The following FAM149A variants were observed in gnomAD, a reference collection of about 807,000 sequenced individuals.
FAM149A encodes the protein family with sequence similarity 149 member A.
Under a neutral mutation model 78.2 loss-of-function variants are expected in FAM149A, and 71 were observed. That is an observed-to-expected ratio of 0.91 (90% CI 0.75 to 1.11). FAM149A has a LOEUF of 1.11. Among genes scored for constraint, FAM149A ranks in the 50% least tolerant of loss-of-function variants. FAM149A has a pLI of 0.00. For synonymous variants in FAM149A, 446 were observed against 410.5 expected (o/e 1.09, Z -1.04); for missense variants, 1,036 against 971.0 (o/e 1.07, Z -0.89).
chr4:186,157,759 T>G (rs1318408692), intron 8 of FAM149A, 40 bp downstream of exon 8: 1 of 1,581,666 alleles, frequency 6.3e-7, no homozygotes, highest in South Asian at 1.2e-5. Flanking sequence ...GCCTTCACTC[T>G]GTGTGTCTGT....
At chr4:186,142,399 G>C (rs996000922) in intron 1 of FAM149A, among the ~76,000 whole-genome samples, 1 of 152,218 alleles carries the variant, frequency 6.6e-6, no homozygotes, top group African/African-American at 2.4e-5. Flanking sequence ...TGAGCATCTT[G>C]AAAGAGCTGA....
At chr4:186,159,919 AC>A (rs1174785977) in intron 8 of FAM149A, among the ~76,000 whole-genome samples, 17 of 109,160 alleles carry the variant, frequency 1.6e-4, no homozygotes, top group African/African-American at 5.7e-4. Flanking sequence ...CAAACAACAC[AC>A]ACACACACAC....
rs1454893517 is a variant in FAM149A, at chr4:186,105,253, T to G, written c.177T>G (p.Ala59=). The G allele has an allele frequency of 8.2e-6, 10 of 1,222,494 alleles. No homozygotes were observed. Among genetic ancestry groups the G allele is most frequent in the Non-Finnish European group, 1.0e-5 (10 of 960,904 alleles). 75.7% of individuals were successfully genotyped at this position (1,222,494 alleles called of 1,614,324 possible). Residue 59 remains alanine, a synonymous_variant, in exon 1 of 14, where the codon GCT becomes GCG. Coordinates refer to ENST00000389354, the MANE Select transcript of FAM149A (RefSeq NM_001367768.3). Reference sequence around the variant, plus strand: ...CCCCGACCCTCCTCCGCGCCCTGGCTCCGGACTCCCCCTCCGCCTCGCGGC... The same window carrying G: ...CCCCGACCCTCCTCCGCGCCCTGGCGCCGGACTCCCCCTCCGCCTCGCGGC...
intron 7 of FAM149A, 57 bp downstream of exon 7, chr4:186,156,247 T>C: frequency 1.4e-6 from 2 of 1,455,884 alleles, no homozygotes; most frequent in East Asian, 2.3e-5. Context: ...TCTTCGGCCC[T>C]GGGCTCCTGC....
chr4:186,112,420 C>A (rs1255808999), intron 1 of FAM149A, among the ~76,000 whole-genome samples: 2 of 87,374 alleles, frequency 2.3e-5, no homozygotes, highest in Non-Finnish European at 4.4e-5. Context: ...CTGGCCAGAA[C>A]TTCCAACACT....
At chr4:186,169,006 C>T (rs984919012) in intron 13 of FAM149A, among the ~76,000 whole-genome samples, 5 of 152,114 alleles carry the variant, frequency 3.3e-5, no homozygotes, top group Middle Eastern at 3.4e-3. Context: ...TGGTGCTGAG[C>T]GAGGGAACTG....
chr4:186,121,477 A>G (rs1387451682), intron 1 of FAM149A, among the ~76,000 whole-genome samples: 2 of 152,208 alleles, frequency 1.3e-5, no homozygotes, highest in Non-Finnish European at 2.9e-5. Context: ...ATATATTTTT[A>G]AAATGTATTT....
intron 1 of FAM149A, chr4:186,130,293 C>CTCTCTCTCTATATATATA: frequency 3.0e-4 from 14 of 46,584 alleles, no homozygotes; most frequent in Non-Finnish European, 4.6e-4. Context: ...CTCTCTCTCT[C>CTCTCTCTCTATATATATA]TATATATATA....
intron 1 of FAM149A, chr4:186,146,779 C>G: frequency 1.0e-6 from 1 of 984,418 alleles, no homozygotes; most frequent in Non-Finnish European, 1.2e-6. Flanking sequence ...TGTCTTGAAT[C>G]TGGGGAATAT....
In FAM149A at chr4:186,153,663, G is replaced by A; in HGVS notation, c.951G>A (p.Leu317=). 1 of 1,614,132 alleles carries A rather than the reference G, an allele frequency of 6.2e-7. No individual in the cohort carries two copies. Among genetic ancestry groups the A allele is most frequent in the Non-Finnish European group, 8.5e-7 (1 of 1,179,964 alleles). The change falls in exon 5 of 14, where the codon CTG becomes CTA. Residue 317 remains leucine (L), a synonymous_variant. Transcript: ENST00000389354. ...CTCGCAGAGTATTAGGAAGACAGCT[G>A]ATCCTGCCCACTGACAAAGGCGTCC...
At position 186,167,223 on chromosome 4, in the gene FAM149A, T is replaced by C; in HGVS notation, c.2179T>C (p.Phe727Leu). The change falls in exon 13 of 14, where the codon TTT becomes CTT. Residue 727 changes from phenylalanine (F) to leucine (L), a missense_variant. Around this residue, in one of 3 missense-constraint regions of FAM149A, gnomAD observed 716 missense variants for 711.8 expected, o/e 1.01. Coordinates refer to ENST00000389354, the MANE Select transcript of FAM149A (RefSeq NM_001367768.3). ...AAAAAGTTCATTGACACAAATGGAA[T>C]TTGCTGCTCACACATGGACAGGTCA... is the stretch of plus-strand genomic sequence containing the variant. 1 of 1,611,954 alleles carries C rather than the reference T, an allele frequency of 6.2e-7. No homozygotes were observed. The highest frequency in any genetic ancestry group is 8.5e-7 in the Non-Finnish European group (1 of 1,178,032).
intron 1 of FAM149A, among the ~76,000 whole-genome samples, chr4:186,138,053 A>T (rs2099324243): frequency 6.6e-6 from 1 of 152,218 alleles, no homozygotes; most frequent in African/African-American, 2.4e-5. Context: ...AAGCATTTTT[A>T]AAACAGACTT....
intron 1 of FAM149A, chr4:186,130,293 C>CTATATATATATATATATA (rs1554068050): frequency 6.4e-5 from 3 of 46,590 alleles, no homozygotes; most frequent in African/African-American, 1.8e-4. Flanking sequence ...CTCTCTCTCT[C>CTATATATATATATATATA]TATATATATA....
rs1265655641 is a variant in FAM149A at position 186,167,220 on chromosome 4, G to C, written c.2176G>C (p.Glu726Gln). Residue 726 changes from glutamate to glutamine, a missense_variant, in exon 13 of 14, where the codon GAA becomes CAA. Glu to Gln is a conservative substitution (Grantham distance 29). Around this residue, in one of 3 missense-constraint regions of FAM149A, gnomAD observed 716 missense variants for 711.8 expected, o/e 1.01. Transcript: ENST00000389354. ...TCGAAAAAGTTCATTGACACAAATG[G>C]AATTTGCTGCTCACACATGGACAGG... is the stretch of plus-strand genomic sequence containing the variant. 3 of 1,611,768 alleles carry C rather than the reference G, an allele frequency of 1.9e-6. No homozygotes were observed. In the Admixed American group the frequency reaches 5.0e-5, roughly 27 times the overall value.
rs949922910 is a variant in FAM149A at position 186,174,199 on chromosome 4, C to T, written c.*2212C>T. Reference sequence around the variant, plus strand: ...ATCACCCAGGTATTAAGCCTAGTATCCATTAGTTATTTTTCCTGATCCTCT... The same window carrying T: ...ATCACCCAGGTATTAAGCCTAGTATTCATTAGTTATTTTTCCTGATCCTCT... On this transcript the variant is annotated 3_prime_UTR_variant, in exon 14 of 14. Transcript: ENST00000389354. 9.2e-6 allele frequency among the ~76,000 whole-genome samples: 1 copy of T among 109,100 alleles called. No homozygotes were observed. The highest frequency in any genetic ancestry group is 2.3e-5 in the Non-Finnish European group (1 of 43,598). The allele number at this position is 109,100 out of a possible 152,430, so 71.6% of individuals were successfully genotyped here.
At position 186,113,388 on chromosome 4, in the gene FAM149A, T is replaced by C. The variant is rs1254393805; in HGVS notation, c.566+7746T>C. Among the ~76,000 whole-genome samples, 4 of 58,518 alleles carry C rather than the reference T, an allele frequency of 6.8e-5. 1 individual carries two copies. The highest frequency in any genetic ancestry group is 2.2e-4 in the Admixed American group (1 of 4,644). 38.4% of individuals were successfully genotyped at this position (58,518 alleles called of 152,430 possible). On this transcript the variant is annotated intron_variant, in intron 1 of 13. Coordinates refer to ENST00000389354, the MANE Select transcript of FAM149A (RefSeq NM_001367768.3). ...TTTTGAAGGGTTTTTTGTGTCTCTATTTCCTTCACTTCTGCTCTGATTTTA... is the reference window on the plus strand; with the variant it reads ...TTTTGAAGGGTTTTTTGTGTCTCTACTTCCTTCACTTCTGCTCTGATTTTA...
chr4:186,133,652 A>G (rs2889186), intron 1 of FAM149A, among the ~76,000 whole-genome samples: 48,133 of 151,950 alleles, frequency 0.32, 7,910 homozygotes, highest in East Asian at 0.52. Context: ...TGTGTGAACA[A>G]TGCTGCTATG....
At chr4:186,160,082 ACACATAC>A (rs1353301285) in intron 8 of FAM149A, among the ~76,000 whole-genome samples, 7 of 125,566 alleles carry the variant, frequency 5.6e-5, no homozygotes, top group Non-Finnish European at 1.0e-4. Flanking sequence ...CACACACCAA[ACACATAC>A]CACATACACA....
rs1358300351 is a variant in FAM149A, at chr4:186,105,606, A to AG, written c.535dup (p.Ala179GlyfsTer19). ...CTTACGCTGCCTGACATCGGCGAGG[A>AG]GGGGGCCTCGGACGGCGACTCCGGG... On this transcript the variant is annotated frameshift_variant, in exon 1 of 14. Coordinates refer to ENST00000389354, the MANE Select transcript of FAM149A (RefSeq NM_001367768.3). LOFTEE classifies it high-confidence loss of function. 4.8e-6 allele frequency: 5 copies of AG among 1,052,568 alleles called. No individual in the cohort carries two copies. The highest frequency in any genetic ancestry group is 5.8e-6 in the Non-Finnish European group (5 of 867,362). 65.2% of individuals were successfully genotyped at this position (1,052,568 alleles called of 1,614,324 possible).
Sources: gnomAD v4.1 joint callset for allele counts (sites outside exome capture counted in the v4.1 genomes callset) on GRCh38, gnomAD v4.1.1 for gene constraint, gnomAD v4.1.1 regional missense constraint, MANE v1.5 for transcripts, NCBI Gene and HGNC (gene_info 2026-07-23, HGNC 2026-07-21) for gene names.